The following PDE1A variants were observed in gnomAD, a reference collection of about 807,000 sequenced individuals.
PDE1A encodes dual specificity calcium/calmodulin-dependent 3',5'-cyclic nucleotide phosphodiesterase 1A.
In PDE1A, 35 loss-of-function variants were observed where a neutral mutation model predicts 61.7. That is an observed-to-expected ratio of 0.57 (90% confidence interval 0.43 to 0.75). The LOEUF (loss-of-function observed/expected upper bound fraction) is 0.75, where lower values mean the gene tolerates loss of function less well. Ranked by LOEUF, PDE1A falls within the 30% of genes least tolerant of loss-of-function variation. PDE1A has a pLI of 0.00. For synonymous variants in PDE1A, 232 were observed against 213.2 expected (o/e 1.09, Z -0.77); for missense variants, 597 against 630.6 (o/e 0.95, Z 0.57).
intron 1 of PDE1A, among the ~76,000 whole-genome samples, chr2:182,333,982 G>T (rs538076619): frequency 7.2e-5 from 11 of 152,202 alleles, no homozygotes; most frequent in Admixed American, 6.5e-4. Flanking sequence ...AAATCTAGAA[G>T]AAATGAATAA....
At chr2:182,505,921 A>G (rs565455045) in intron 2 of PDE1A, among the ~76,000 whole-genome samples, 1 of 152,366 alleles carries the variant, frequency 6.6e-6, no homozygotes, top group South Asian at 2.1e-4. Flanking sequence ...AAGATATTGA[A>G]GCAGAGATTT....
chr2:182,451,533 T>A (rs975926646), intron 2 of PDE1A, among the ~76,000 whole-genome samples: 8 of 152,152 alleles, frequency 5.3e-5, no homozygotes, highest in African/African-American at 1.9e-4. Flanking sequence ...TACTTAACTG[T>A]GTAAGTAGCT....
At chr2:182,426,468 CTCT>C in intron 1 of PDE1A, 107 bp downstream of exon 1, 1 of 779,370 alleles carries the variant, frequency 1.3e-6, no homozygotes, top group East Asian at 2.5e-5. Flanking sequence ...ACTTTAAGCA[CTCT>C]TGATTGCTCT....
At chr2:182,711,790 T>G in the PDE1A span, among the ~76,000 whole-genome samples, 7 of 152,280 alleles carry the variant, frequency 4.6e-5, no homozygotes, top group Admixed American at 2.0e-4. Flanking sequence ...TAGAACTACT[T>G]AAACATCTAA....
At chr2:182,386,538 C>T (rs545554759) in intron 1 of PDE1A, among the ~76,000 whole-genome samples, 32 of 150,716 alleles carry the variant, frequency 2.1e-4, no homozygotes, top group Middle Eastern at 3.5e-3. Context: ...CCGGCCGCTC[C>T]GTCCAAGAAG....
intron 13 of PDE1A, among the ~76,000 whole-genome samples, chr2:182,157,025 T>TA: frequency 6.7e-6 from 1 of 149,144 alleles, no homozygotes; most frequent in African/African-American, 2.4e-5. Context: ...TTTTATTTTT[T>TA]TTTTTTTGAG....
rs796821108 is a variant in PDE1A, at chr2:182,213,276, T to G, written c.777-7211A>C. Among the ~76,000 whole-genome samples the G allele has an allele frequency of 8.2e-3, 1,121 of 137,044 alleles. 14 individuals carry two copies. The highest frequency in any genetic ancestry group is 0.055 in the South Asian group (225 of 4,106). 89.9% of individuals were successfully genotyped at this position (137,044 alleles called of 152,430 possible). On this transcript the variant is annotated intron_variant, in intron 7 of 13. Coordinates refer to ENST00000351439, the Ensembl canonical transcript of PDE1A. ...CCAAAAACCCATCTGTACATCACCA[T>G]CATCAAAGACCAAAAGTAGATAAAA...
At chr2:182,248,073 T>C (rs1691114268) in intron 2 of PDE1A, among the ~76,000 whole-genome samples, 1 of 152,016 alleles carries the variant, frequency 6.6e-6, no homozygotes, top group Non-Finnish European at 1.5e-5. Flanking sequence ...CTGGCCAACA[T>C]GGTGAAACCT....
intron 7 of PDE1A, among the ~76,000 whole-genome samples, chr2:182,212,059 G>C (rs1206465601): frequency 6.6e-6 from 1 of 152,042 alleles, no homozygotes; most frequent in African/African-American, 2.4e-5. Context: ...TTAGTTGTGA[G>C]AGGGGACATC....
chr2:182,343,867 CTTTTTCT>C (rs1459581493), intron 1 of PDE1A, among the ~76,000 whole-genome samples: 2 of 35,478 alleles, frequency 5.6e-5, no homozygotes, highest in African/African-American at 1.0e-4. Context: ...TAATCTTTTT[CTTTTTCT>C]TTTTTTTTTT....
intron 2 of PDE1A, among the ~76,000 whole-genome samples, chr2:182,495,005 C>T (rs1476916358): frequency 6.6e-6 from 1 of 152,150 alleles, no homozygotes; most frequent in Non-Finnish European, 1.5e-5. Flanking sequence ...GACTCCCTTT[C>T]TCATCCCTAG....
At chr2:182,559,473 C>T in the PDE1A span, among the ~76,000 whole-genome samples, 1 of 152,136 alleles carries the variant, frequency 6.6e-6, no homozygotes, top group African/African-American at 2.4e-5. Flanking sequence ...CAAATAGTGA[C>T]AACAGTAAAT....
the PDE1A span, among the ~76,000 whole-genome samples, chr2:182,626,826 C>A: frequency 9.1e-5 from 1 of 10,972 alleles, no homozygotes; most frequent in Non-Finnish European, 1.8e-4. Flanking sequence ...TATATATATA[C>A]ATATATATAT....
chr2:182,242,160 G>T (rs1690567421), intron 2 of PDE1A: 1 of 906,152 alleles, frequency 1.1e-6, no homozygotes, highest in Non-Finnish European at 1.4e-6. Context: ...GGCTGATGGT[G>T]CCAATTCCTC....
At chr2:182,275,563 A>G (rs567329904) in intron 1 of PDE1A, among the ~76,000 whole-genome samples, 2 of 152,206 alleles carry the variant, frequency 1.3e-5, no homozygotes, top group African/African-American at 4.8e-5. Flanking sequence ...CTGTCACATA[A>G]AGGCAAAGCC....
chr2:182,267,429 GCACACACACACACACACACA>G (rs67567300), intron 1 of PDE1A, among the ~76,000 whole-genome samples: 3 of 146,852 alleles, frequency 2.0e-5, no homozygotes, highest in Non-Finnish European at 4.5e-5. Flanking sequence ...ATGCACACAT[GCACACACACACACACACACA>G]CACACACACG....
chr2:182,551,939 C>A, the PDE1A span, among the ~76,000 whole-genome samples: 663 of 152,224 alleles, frequency 4.4e-3, 2 homozygotes, highest in African/African-American at 0.015. Context: ...GTGTCTATTT[C>A]TATACTCAGA....
chr2:182,252,928 T>A (rs538359252), intron 2 of PDE1A, among the ~76,000 whole-genome samples: 2 of 152,178 alleles, frequency 1.3e-5, no homozygotes, highest in Non-Finnish European at 2.9e-5. Flanking sequence ...TATATAAATA[T>A]AGTAAAGAAT....
At chr2:182,612,812 AC>A in the PDE1A span, among the ~76,000 whole-genome samples, 4 of 152,246 alleles carry the variant, frequency 2.6e-5, no homozygotes, top group African/African-American at 9.6e-5. Flanking sequence ...TTGAACAGAA[AC>A]GAGATTATTT....
Sources: allele counts gnomAD v4.1 joint callset (sites outside exome capture counted in the v4.1 genomes callset), GRCh38; gene constraint gnomAD v4.1.1; transcripts MANE v1.5; gene names NCBI Gene and HGNC (gene_info 2026-07-23, HGNC 2026-07-21).